The following NCK2 variants were observed in gnomAD, a reference collection of about 807,000 sequenced individuals.
The protein encoded by NCK2 is NCK adaptor protein 2.
Under a neutral mutation model 33.9 loss-of-function variants are expected in NCK2, and 16 were observed. That is an observed-to-expected ratio of 0.47 (90% CI 0.32 to 0.72). The LOEUF is 0.72. Ranked by LOEUF, NCK2 falls within the 30% of genes least tolerant of loss-of-function variation. The pLI is 0.03. For missense variants in NCK2, 418 were observed against 537.3 expected, an observed-to-expected ratio of 0.78 and a Z score of 2.19; for synonymous variants, 273 against 239.9, an observed-to-expected ratio of 1.14 and a Z score of -1.27.
chr2:105,790,395 T>C (rs114915500), intron 1 of NCK2, among the ~76,000 whole-genome samples: 2,858 of 152,286 alleles, frequency 0.019, 51 homozygotes, highest in Non-Finnish European at 0.022. Flanking sequence ...TAGCCTGACT[T>C]CTAGGATGGG....
chr2:105,799,517 C>T (rs142544758), intron 1 of NCK2, among the ~76,000 whole-genome samples: 155 of 152,226 alleles, frequency 1.0e-3, no homozygotes, highest in African/African-American at 3.5e-3. Flanking sequence ...TTCCCAGAGG[C>T]CTCTGGGTCT....
At chr2:105,879,686 C>T (rs1678391585) in intron 3 of NCK2, among the ~76,000 whole-genome samples, 1 of 152,252 alleles carries the variant, frequency 6.6e-6, no homozygotes, top group South Asian at 2.1e-4. Flanking sequence ...GCACATGTCC[C>T]AGGGTAGTGG....
At chr2:105,769,345 C>T (rs553706309) in intron 1 of NCK2, among the ~76,000 whole-genome samples, 1 of 138,746 alleles carries the variant, frequency 7.2e-6, no homozygotes, top group South Asian at 2.5e-4. Context: ...ACAGCTGATG[C>T]GTGCCTATTT....
intron 3 of NCK2, among the ~76,000 whole-genome samples, chr2:105,860,428 C>G (rs1168134944): frequency 6.6e-6 from 1 of 152,228 alleles, no homozygotes; most frequent in Non-Finnish European, 1.5e-5. Flanking sequence ...AGCCCCTGCT[C>G]TGGTGTAGTG....
At chr2:105,884,538 T>C (rs1350912698) in intron 4 of NCK2, among the ~76,000 whole-genome samples, 1 of 152,240 alleles carries the variant, frequency 6.6e-6, no homozygotes, top group African/African-American at 2.4e-5. Flanking sequence ...GCTGTTTTTT[T>C]TGGAATGGAT....
chr2:105,872,303 T>G (rs1678047759), intron 3 of NCK2, among the ~76,000 whole-genome samples: 1 of 152,182 alleles, frequency 6.6e-6, no homozygotes, highest in South Asian at 2.1e-4. Context: ...GCCTGCCCTG[T>G]GCCCTTGCTG....
chr2:105,810,291 C>T (rs1675239042), intron 1 of NCK2, among the ~76,000 whole-genome samples: 1 of 151,964 alleles, frequency 6.6e-6, no homozygotes. Flanking sequence ...TCTTAAGATG[C>T]TATTTGAAAA....
At chr2:105,858,516 C>T (rs143277911) in intron 3 of NCK2, among the ~76,000 whole-genome samples, 2 of 152,298 alleles carry the variant, frequency 1.3e-5, no homozygotes, top group African/African-American at 4.8e-5. Context: ...CCACATTTGC[C>T]ATTTTTACTG....
chr2:105,879,401 C>T (rs1359410846), intron 3 of NCK2, among the ~76,000 whole-genome samples: 1 of 152,224 alleles, frequency 6.6e-6, no homozygotes, highest in African/African-American at 2.4e-5. Flanking sequence ...GTGGCGGTAT[C>T]ATGGTGCTTT....
chr2:105,823,771 G>GAGTCACACCTGACCAAC (rs1209203848), intron 2 of NCK2, among the ~76,000 whole-genome samples: 4 of 152,036 alleles, frequency 2.6e-5, no homozygotes, highest in Admixed American at 2.6e-4. Flanking sequence ...CAGCTTCTCA[G>GAGTCACACCTGACCAAC]AGTCACACCT....
rs149891225 is a variant in NCK2 at position 105,791,472 on chromosome 2, G to A, written c.-200-24958G>A. Among the ~76,000 whole-genome samples the A allele has an allele frequency of 5.3e-4, 80 of 152,346 alleles. No individual in the cohort carries two copies. In the East Asian group the frequency reaches 0.011, roughly 21 times the overall value. Reference sequence around the variant, plus strand: ...GGGAGTGCACCCTCGCCCCGTTGCCGTGCTTACCGGCCAGAGTGCTGCTGC... The same window carrying A: ...GGGAGTGCACCCTCGCCCCGTTGCCATGCTTACCGGCCAGAGTGCTGCTGC... On this transcript the variant is annotated intron_variant, in intron 1 of 4. Coordinates refer to ENST00000233154, the MANE Select transcript of NCK2 (RefSeq NM_003581.5).
chr2:105,778,586 T>G (rs1392039472), intron 1 of NCK2, among the ~76,000 whole-genome samples: 1 of 152,266 alleles, frequency 6.6e-6, no homozygotes, highest in Non-Finnish European at 1.5e-5. Flanking sequence ...TGCAGGATGC[T>G]GGTGGCTGCG....
At chr2:105,880,045 C>T (rs1347341327) in intron 3 of NCK2, among the ~76,000 whole-genome samples, 3 of 152,174 alleles carry the variant, frequency 2.0e-5, no homozygotes, top group Non-Finnish European at 4.4e-5. Flanking sequence ...ACATGCTTTC[C>T]TCTCCTAGAA....
At chr2:105,789,180 A>AC (rs1690786676) in intron 1 of NCK2, among the ~76,000 whole-genome samples, 1 of 151,962 alleles carries the variant, frequency 6.6e-6, no homozygotes, top group African/African-American at 2.4e-5. Context: ...GGCACTTCAC[A>AC]CCATTTTTTT....
At position 105,765,787 on chromosome 2, in the gene NCK2, G is replaced by T. The variant is rs1363662112; in HGVS notation, c.-201+20649G>T. 1.7e-4 allele frequency among the ~76,000 whole-genome samples: 17 copies of T among 101,590 alleles called. No homozygotes were observed. In the Admixed American group the frequency reaches 2.0e-3, roughly 12 times the overall value. 66.6% of individuals were successfully genotyped at this position (101,590 alleles called of 152,430 possible). A position where few individuals can be genotyped will look rare whatever the true frequency, so the allele number is the denominator to read the frequency against. ...CCACAGATACAGCTTAGAATAGGGG[G>T]TGTGTGTGTGTGTGTGTGTGTGTGT... On this transcript the variant is annotated intron_variant, in intron 1 of 4. Coordinates refer to ENST00000233154, the MANE Select transcript of NCK2 (RefSeq NM_003581.5).
At chr2:105,768,220 T>C (rs912656177) in intron 1 of NCK2, among the ~76,000 whole-genome samples, 1 of 152,210 alleles carries the variant, frequency 6.6e-6, no homozygotes, top group African/African-American at 2.4e-5. Flanking sequence ...GTCCAGTGTG[T>C]GTTTGCCCTC....
intron 4 of NCK2, among the ~76,000 whole-genome samples, chr2:105,891,922 T>G (rs1375772930): frequency 6.6e-6 from 1 of 152,214 alleles, no homozygotes; most frequent in Non-Finnish European, 1.5e-5. Context: ...TCACAGAATT[T>G]AAATATTTTT....
chr2:105,825,657 CTT>C (rs1675909100), intron 2 of NCK2, among the ~76,000 whole-genome samples: 1 of 152,162 alleles, frequency 6.6e-6, no homozygotes, highest in East Asian at 1.9e-4. Flanking sequence ...GATAATTTCT[CTT>C]GTTTTATTAG....
At chr2:105,844,747 G>GATATATT (rs1553459536) in intron 2 of NCK2, among the ~76,000 whole-genome samples, 1 of 133,620 alleles carries the variant, frequency 7.5e-6, no homozygotes, top group African/African-American at 2.9e-5. Flanking sequence ...GGCGGGGGGG[G>GATATATT]ATATATATAT....
Sources: gnomAD v4.1 joint callset for allele counts (sites outside exome capture counted in the v4.1 genomes callset) on GRCh38, gnomAD v4.1.1 for gene constraint, MANE v1.5 for transcripts, NCBI Gene and HGNC (gene_info 2026-07-23, HGNC 2026-07-21) for gene names.